LRP4: variants seen among roughly 807,000 people sequenced by gnomAD.
LRP4 encodes low-density lipoprotein receptor-related protein 4.
LRP4 carries 95 observed loss-of-function variants against 220.3 expected under a neutral mutation model. The observed-to-expected ratio is 0.43, with a 90% confidence interval of 0.37 to 0.51. The LOEUF (loss-of-function observed/expected upper bound fraction) is 0.51. Ranked by LOEUF, LRP4 falls within the 20% of genes least tolerant of loss-of-function variation. The probability of loss-of-function intolerance (pLI) is 0.00; values close to 1 mark genes in which losing one functional copy is unlikely to be tolerated. For synonymous variants in LRP4, 903 were observed against 954.6 expected (o/e 0.95, Z 1.00); for missense variants, 1,925 against 2,567.0 (o/e 0.75, Z 5.40).
chr11:46,861,925 G>A lies in LRP4; in HGVS notation c.5385+681C>T, dbSNP rs574658573. Reference sequence around the variant, plus strand: ...CTCTACTAAAAATACAAAATTAGCCGGGCATGGTGGCGCATGCCTGTAATC... The same window carrying A: ...CTCTACTAAAAATACAAAATTAGCCAGGCATGGTGGCGCATGCCTGTAATC... On this transcript the variant is annotated intron_variant, in intron 37 of 37. Coordinates refer to ENST00000378623, the MANE Select transcript of LRP4 (RefSeq NM_002334.4). Among the ~76,000 whole-genome samples, 7 of 151,998 alleles carry A rather than the reference G, an allele frequency of 4.6e-5. 1 individual carries two copies. Among genetic ancestry groups the A allele is most frequent in the South Asian group, 4.2e-4 (2 of 4,798 alleles).
chr11:46,865,240 T>A, intron 34 of LRP4, 54 bp from the exon 35 acceptor site: 2 of 1,322,162 alleles, frequency 1.5e-6, no homozygotes, highest in Non-Finnish European at 2.1e-6. Context: ...GTGAAGGTCA[T>A]GCCTTCCTCC....
intron 31 of LRP4, 115 bp from the exon 32 acceptor site, chr11:46,869,247 T>A: frequency 3.1e-6 from 3 of 958,472 alleles, no homozygotes; most frequent in African/African-American, 1.6e-5. Flanking sequence ...GCCCTCTTCA[T>A]CTCTTCCTCA....
At chr11:46,870,559 G>A (rs1265929981) in intron 31 of LRP4, among the ~76,000 whole-genome samples, 4 of 152,156 alleles carry the variant, frequency 2.6e-5, no homozygotes, top group African/African-American at 9.7e-5. Context: ...GAGTAGCTGA[G>A]ACTACAGGTG....
intron 1 of LRP4, among the ~76,000 whole-genome samples, chr11:46,906,273 T>C (rs991839768): frequency 2.0e-5 from 3 of 152,086 alleles, no homozygotes; most frequent in Non-Finnish European, 4.4e-5. Context: ...CTGGCCAACA[T>C]GGTGAAAACC....
In LRP4 at chr11:46,873,014, T is replaced by A; in HGVS notation, c.4583+86A>T. On this transcript the variant is annotated intron_variant, in intron 30 of 37. Transcript: ENST00000378623. This position sits in a 1 kb window ranked among gnomAD's most constrained non-coding sequence, Gnocchi z 4.2. ...TCCCCACATACCAAGAAGCTTTCTA[T>A]CTTTTCATTTTTCCAAGGTTAATCT... The A allele has an allele frequency of 6.4e-7, 1 of 1,564,050 alleles. No individual in the cohort carries two copies. The highest frequency in any genetic ancestry group is 8.8e-7 in the Non-Finnish European group (1 of 1,136,094).
chr11:46,859,095 T>C lies in LRP4; in HGVS notation c.5606A>G (p.Glu1869Gly). Residue 1869 changes from glutamate to glycine, a missense_variant, in exon 38 of 38, where the codon GAG (glutamate) becomes GGG (glycine). Coordinates refer to ENST00000378623, the MANE Select transcript of LRP4 (RefSeq NM_002334.4). ...DTETEQLLQE[E>G]QSECSSVHTA... is the part of the protein sequence containing the mutation. Reference sequence around the variant, plus strand: ...ATGGACGCTGCTACACTCAGACTGCTCTTCCTGTAACAGCTGCTCCGTCTC... The same window carrying C: ...ATGGACGCTGCTACACTCAGACTGCCCTTCCTGTAACAGCTGCTCCGTCTC... 1 of 1,614,172 alleles carries C rather than the reference T, an allele frequency of 6.2e-7. No individual in the cohort carries two copies. The highest frequency in any genetic ancestry group is 2.2e-5 in the East Asian group (1 of 44,882).
In LRP4 at chr11:46,876,738, G is replaced by A; in HGVS notation, c.3364+6C>T. 6.2e-7 allele frequency: 1 copy of A among 1,614,084 alleles called. No homozygotes were observed. Among genetic ancestry groups the A allele is most frequent in the Middle Eastern group, 1.7e-4 (1 of 6,048 alleles). The stretch of plus-strand genomic sequence containing the variant: ...AGGTGGTCCCTGGGCTAGGAGGAAG[G>A]CCCACCTGTGGTGATGATGTCCTCA... On this transcript the variant is annotated splice_donor_region_variant and intron_variant, in intron 24 of 37. Coordinates refer to ENST00000378623, the MANE Select transcript of LRP4 (RefSeq NM_002334.4).
intron 7 of LRP4, among the ~76,000 whole-genome samples, chr11:46,897,827 C>A (rs1941572296): frequency 6.6e-6 from 1 of 152,382 alleles, no homozygotes; most frequent in South Asian, 2.1e-4. Context: ...CCCACCTTTC[C>A]CTCCTTTCTA....
chr11:46,896,729 A>G (rs538790478), intron 8 of LRP4, 140 bp downstream of exon 8: 1 of 1,250,986 alleles, frequency 8.0e-7, no homozygotes, highest in Non-Finnish European at 1.1e-6. Flanking sequence ...TCCAGGCCAT[A>G]AGGCCGCAGG....
chr11:46,860,871 T>C (rs1477844223), intron 37 of LRP4: 1 of 687,720 alleles, frequency 1.5e-6, no homozygotes, highest in Non-Finnish European at 1.8e-6. Context: ...AGGTGGGGGA[T>C]ATGGCACTTG....
At chr11:46,915,877 A>G (rs1221583963) in intron 1 of LRP4, among the ~76,000 whole-genome samples, 3 of 152,108 alleles carry the variant, frequency 2.0e-5, no homozygotes, top group Non-Finnish European at 1.5e-5. Flanking sequence ...ATCTACTACT[A>G]CATTTATCAC....
intron 31 of LRP4, among the ~76,000 whole-genome samples, chr11:46,869,393 T>C (rs1436298013): frequency 6.6e-6 from 1 of 152,208 alleles, no homozygotes; most frequent in Non-Finnish European, 1.5e-5. Context: ...AAGCAATTTG[T>C]TTACTGGTCT....
Position 46,898,914 on chromosome 11 carries a change from C to T in LRP4, c.666G>A (p.Glu222=). ...GGCCAGAGTACTCACAGCAGTCAGA[C>T]TCGTCTGACCAGTCTCCACAGTCAT... ...GDDDCGDWSD[E]SDCSSHQPCR... Residue 222 remains glutamate, a synonymous_variant, in exon 6 of 38, where the codon GAG becomes GAA. Transcript: ENST00000378623. 1 of 1,613,856 alleles carries T rather than the reference C, an allele frequency of 6.2e-7. No individual in the cohort carries two copies. Among genetic ancestry groups the T allele is most frequent in the African/African-American group, 1.3e-5 (1 of 75,050 alleles).
intron 1 of LRP4, among the ~76,000 whole-genome samples, chr11:46,914,139 CTA>C (rs1941912463): frequency 6.6e-6 from 1 of 152,144 alleles, no homozygotes; most frequent in Admixed American, 6.5e-5. Flanking sequence ...TTTGAACATG[CTA>C]TTATCTCAGG....
In LRP4 at chr11:46,893,119, A is replaced by G. The variant is rs150777198; in HGVS notation, c.1551T>C (p.Ala517=). 4.3e-3 allele frequency: 6,992 copies of G among 1,614,184 alleles called. 31 individuals are homozygous for G. The highest frequency in any genetic ancestry group is 7.5e-3 in the South Asian group (687 of 91,084). ...STGLESPGGL[A]VDWVHDKLYW... ...AGAGTTTGTCATGGACCCAATCCAC[A>G]GCCAGGCCCCCTGGTGAGAAGCAGC... Residue 517 remains alanine, a synonymous_variant, in exon 13 of 38, where the codon GCT becomes GCC. Coordinates refer to ENST00000378623, the MANE Select transcript of LRP4 (RefSeq NM_002334.4).
At chr11:46,898,452 C>A in intron 7 of LRP4, 106 bp downstream of exon 7, 1 of 1,511,798 alleles carries the variant, frequency 6.6e-7, no homozygotes, top group Non-Finnish European at 9.1e-7. Flanking sequence ...TCCCAAAGTG[C>A]TGGCATTATA....
chr11:46,918,520 C>T lies in LRP4; in HGVS notation c.-141G>A. On this transcript the variant is annotated 5_prime_UTR_variant, in exon 1 of 38. Transcript: ENST00000378623. This position sits in a 1 kb window ranked among gnomAD's most constrained non-coding sequence, Gnocchi z 6.0. ...GCCCCGCAAGTCGCCCTCGGGCCGCCGCCGCCTCCAGTGCTGCCAGAGCCG... is the reference window on the plus strand; with the variant it reads ...GCCCCGCAAGTCGCCCTCGGGCCGCTGCCGCCTCCAGTGCTGCCAGAGCCG... The T allele has an allele frequency of 2.3e-6, 1 of 428,702 alleles. No individual in the cohort carries two copies. Among genetic ancestry groups the T allele is most frequent in the Non-Finnish European group, 3.4e-6 (1 of 297,550 alleles). The allele number at this position is 428,702 out of a possible 1,614,324, so 26.6% of individuals were successfully genotyped here. A position where few individuals can be genotyped will look rare whatever the true frequency, so the allele number is the denominator to read the frequency against.
At position 46,890,791 on chromosome 11, in the gene LRP4, G is replaced by C. The variant is rs1941406852; in HGVS notation, c.1698-297C>G. Among the ~76,000 whole-genome samples, 1 of 151,966 alleles carries C rather than the reference G, an allele frequency of 6.6e-6. No individual in the cohort carries two copies. Among genetic ancestry groups the C allele is most frequent in the African/African-American group, 2.4e-5 (1 of 41,386 alleles). On this transcript the variant is annotated intron_variant, in intron 13 of 37. Transcript: ENST00000378623. This position sits in a 1 kb window ranked among gnomAD's most constrained non-coding sequence, Gnocchi z 5.3. ...TTTTTTGTAGTAGAGATGAGGTCTT[G>C]CTATGTTACCCAAGCTGGTCTCAAA...
chr11:46,902,989 C>T (rs767713258), intron 1 of LRP4, 60 bp from the exon 2 acceptor site: 163 of 1,609,416 alleles, frequency 1.0e-4, no homozygotes, highest in South Asian at 4.2e-4. Flanking sequence ...AAGCCCATTC[C>T]GAGGGGAAAG....
Sources: gnomAD v4.1 joint callset for allele counts (sites outside exome capture counted in the v4.1 genomes callset) on GRCh38, gnomAD v4.1.1 for gene constraint, Gnocchi (gnomAD v3.1) non-coding constraint, MANE v1.5 for transcripts, NCBI Gene and HGNC (gene_info 2026-07-23, HGNC 2026-07-21) for gene names.